RND1: variants seen among roughly 807,000 people sequenced by gnomAD.
RND1 encodes the protein Rho family GTPase 1, also known as rho-related GTP-binding protein Rho6.
A neutral mutation model predicts 27.1 loss-of-function variants in RND1; 9 were observed. The observed-to-expected ratio is 0.33, with a 90% confidence interval of 0.20 to 0.58. The LOEUF (loss-of-function observed/expected upper bound fraction) is 0.58, where lower values mean the gene tolerates loss of function less well. Among genes scored for constraint, RND1 ranks in the 20% least tolerant of loss-of-function variants. RND1 has a pLI of 0.86. For synonymous variants in RND1, 108 were observed against 115.7 expected (o/e 0.93, Z 0.43); for missense variants, 253 against 292.2 (o/e 0.87, Z 0.98).
intron 1 of RND1, 178 bp downstream of exon 1, chr12:48,865,470 G>A (rs1938973609): frequency 1.4e-6 from 1 of 699,036 alleles, no homozygotes; most frequent in Non-Finnish European, 2.5e-6. Flanking sequence ...ACAGGTCTCA[G>A]GGGAAGCTAA....
Position 48,865,745 on chromosome 12 carries a change from TG to T in RND1, c.22del (p.Gln8SerfsTer26). 2 of 1,606,412 alleles carry T rather than the reference TG, an allele frequency of 1.2e-6. No homozygotes were observed. The highest frequency in any genetic ancestry group is 1.7e-6 in the Non-Finnish European group (2 of 1,174,250). On this transcript the variant is annotated frameshift_variant, in exon 1 of 5. Coordinates refer to ENST00000309739, the MANE Select transcript of RND1 (RefSeq NM_014470.4). LOFTEE classifies it high-confidence loss of function. Reference protein sequence around the residue: MKERRAPQPVVARCKLVL... With the variant: MKERRAPXPVVARCKLVL... ...GAGCTTACATCTGGCCACGACTGGCTGGGGGGCCCGTCTCTCCTTCATGGTT... is the reference window on the plus strand; with the variant it reads ...GAGCTTACATCTGGCCACGACTGGCTGGGGGCCCGTCTCTCCTTCATGGTT...
At chr12:48,864,900 T>C (rs1232564086) in intron 1 of RND1, 30 bp from the exon 2 acceptor site, 1 of 1,516,586 alleles carries the variant, frequency 6.6e-7, no homozygotes, top group East Asian at 2.3e-5. Flanking sequence ...ATTCACCCCA[T>C]GCACCCCTAC....
chr12:48,865,033 C>A (rs1309561036), intron 1 of RND1, among the ~76,000 whole-genome samples, 163 bp from the exon 2 acceptor site: 1 of 152,208 alleles, frequency 6.6e-6, no homozygotes, highest in Non-Finnish European at 1.5e-5. Context: ...GAGGACCAGG[C>A]ACTTTGCTCT....
At position 48,864,815 on chromosome 12, in the gene RND1, T is replaced by C; in HGVS notation, c.176A>G (p.Gln59Arg). ...ATCCCAGAGACTAAGCTCCACCCTC[T>C]GTTCCTCTGTCTCCAAACAGGCTGT... ...NYTACLETEEQRVELSLWDTS... is the reference protein window; with the variant it reads ...NYTACLETEERRVELSLWDTS... The change falls in exon 2 of 5, where the codon CAG becomes CGG. Residue 59 changes from glutamine to arginine, a missense_variant. By Grantham distance (43) the Gln-to-Arg change is conservative. Coordinates refer to ENST00000309739, the MANE Select transcript of RND1 (RefSeq NM_014470.4). The C allele has an allele frequency of 6.2e-7, 1 of 1,614,114 alleles. No homozygotes were observed. The highest frequency in any genetic ancestry group is 8.5e-7 in the Non-Finnish European group (1 of 1,179,934).
In RND1 at chr12:48,862,251, G is replaced by A. The variant is rs566395851; in HGVS notation, c.209-133C>T. The A allele has an allele frequency of 5.2e-4, 309 of 594,698 alleles. 1 individual carries two copies. The highest frequency in any genetic ancestry group is 1.9e-3 in the African/African-American group (105 of 54,028). 36.8% of individuals were successfully genotyped at this position (594,698 alleles called of 1,614,324 possible). Reference sequence around the variant, plus strand: ...CCATCTCCCAGGGGGAATGTACTGCGGCTGGAAGCTTGGGACCTGACTGTC... The same window carrying A: ...CCATCTCCCAGGGGGAATGTACTGCAGCTGGAAGCTTGGGACCTGACTGTC... On this transcript the variant is annotated intron_variant, in intron 2 of 4. Transcript: ENST00000309739.
At chr12:48,859,185 C>T (rs1413689571) in intron 4 of RND1, 1 of 151,266 alleles carries the variant, frequency 6.6e-6, no homozygotes, top group Non-Finnish European at 1.5e-5. Context: ...GTCTTGATCT[C>T]CTGACCTTGT....
chr12:48,860,979 A>G lies in RND1; in HGVS notation c.453+18T>C, dbSNP rs759631748. 2.5e-6 allele frequency: 4 copies of G among 1,612,556 alleles called. No individual in the cohort carries two copies. The highest frequency in any genetic ancestry group is 2.2e-5 in the South Asian group (2 of 91,026). On this transcript the variant is annotated intron_variant, in intron 4 of 4. Coordinates refer to ENST00000309739, the MANE Select transcript of RND1 (RefSeq NM_014470.4). ...TTCCTCACTCCACCCCACGACATGC[A>G]CTTGCATGCGCACACACCTGCTCAT...
chr12:48,864,963 T>G (rs1938968398), intron 1 of RND1, 93 bp from the exon 2 acceptor site: 1 of 954,422 alleles, frequency 1.0e-6, no homozygotes, highest in Non-Finnish European at 1.7e-6. Context: ...AGAGAGACAG[T>G]AAAGTCACAG....
intron 4 of RND1, 88 bp downstream of exon 4, chr12:48,860,909 A>T (rs1938910873): frequency 6.3e-7 from 1 of 1,577,260 alleles, no homozygotes; most frequent in African/African-American, 1.3e-5. Flanking sequence ...GCCATAGTGG[A>T]AGAATTTGAG....
Position 48,857,920 on chromosome 12 carries a change from C to G in RND1, c.*76G>C. 7 of 1,509,274 alleles carry G rather than the reference C, an allele frequency of 4.6e-6. No individual in the cohort carries two copies. Among genetic ancestry groups the G allele is most frequent in the Non-Finnish European group, 6.2e-6 (7 of 1,126,382 alleles). 93.5% of individuals were successfully genotyped at this position (1,509,274 alleles called of 1,614,324 possible). On this transcript the variant is annotated 3_prime_UTR_variant, in exon 5 of 5. Coordinates refer to ENST00000309739, the MANE Select transcript of RND1 (RefSeq NM_014470.4). The stretch of plus-strand genomic sequence containing the variant: ...ACTCATGTCCAGTGTCCTAAATTGT[C>G]TCATCCTCCCTCTCCCCGTGCCTCT...
intron 4 of RND1, among the ~76,000 whole-genome samples, chr12:48,860,783 G>A (rs1357071463): frequency 6.6e-6 from 1 of 152,018 alleles, no homozygotes; most frequent in Admixed American, 6.6e-5. Flanking sequence ...TCTTAGAAAT[G>A]TGGGCACACA....
At chr12:48,861,213 G>A in intron 3 of RND1, 82 bp from the exon 4 acceptor site, 1 of 1,423,778 alleles carries the variant, frequency 7.0e-7, no homozygotes, top group Non-Finnish European at 9.6e-7. Flanking sequence ...GAGAAGCTTG[G>A]CTGGCAACGT....
intron 4 of RND1, among the ~76,000 whole-genome samples, chr12:48,859,519 G>A (rs1190220479): frequency 1.3e-5 from 2 of 151,870 alleles, no homozygotes; most frequent in East Asian, 3.9e-4. Context: ...CAGCCTGGGT[G>A]ACAAGAGCGA....
Position 48,858,191 on chromosome 12 carries a change from T to C in RND1, c.504A>G (p.Ser168=). 6 of 1,614,110 alleles carry C rather than the reference T, an allele frequency of 3.7e-6. No individual in the cohort carries two copies. The highest frequency in any genetic ancestry group is 5.1e-6 in the Non-Finnish European group (6 of 1,180,012). Residue 168 remains serine, a synonymous_variant, in exon 5 of 5, where the codon TCA becomes TCG. Transcript: ENST00000309739. ...GGATGCTCTTTTCTGAGGTGAAAGC[T>C]GAGCCTTCCAGGTAGATTTCTGCAC... ...QLGAEIYLEG[S]AFTSEKSIHS...
chr12:48,858,146 T>A lies in RND1; in HGVS notation c.549A>T (p.Ala183=). ...EKSIHSIFRT[A]SMLCLNKPSP... is the part of the protein sequence containing the mutation. ...TAGGCTTGTTCAGACACAGCATGGATGCCGTCCGAAAGATGCTGTGGATGC... is the reference window on the plus strand; with the variant it reads ...TAGGCTTGTTCAGACACAGCATGGAAGCCGTCCGAAAGATGCTGTGGATGC... Residue 183 remains alanine (A), a synonymous_variant, in exon 5 of 5, where the codon GCA becomes GCT. Coordinates refer to ENST00000309739, the MANE Select transcript of RND1 (RefSeq NM_014470.4). 6.2e-7 allele frequency: 1 copy of A among 1,614,090 alleles called. No individual in the cohort carries two copies. The highest frequency in any genetic ancestry group is 2.2e-5 in the East Asian group (1 of 44,860).
chr12:48,858,362 C>T lies in RND1; in HGVS notation c.454-121G>A, dbSNP rs112974924. ...CCAGCTGCCAGTCTCCAAACACCAC[C>T]CTCTGCAGATTATTCGATTATCTTT... On this transcript the variant is annotated intron_variant, in intron 4 of 4. Coordinates refer to ENST00000309739, the MANE Select transcript of RND1 (RefSeq NM_014470.4). 26 of 1,084,514 alleles carry T rather than the reference C, an allele frequency of 2.4e-5. No individual in the cohort carries two copies. The African/African-American group carries it at 3.2e-4, about 13-fold the overall frequency. 67.2% of individuals were successfully genotyped at this position (1,084,514 alleles called of 1,614,324 possible).
At position 48,864,871 on chromosome 12, in the gene RND1, C is replaced by G; in HGVS notation, c.121-1G>C. Reference sequence around the variant, plus strand: ...TTTCGAACACGGTGGGCACATAGGTCTGTGAAAAGAGAGGAAACATTCACC... The same window carrying G: ...TTTCGAACACGGTGGGCACATAGGTGTGTGAAAAGAGAGGAAACATTCACC... On this transcript the variant is annotated splice_acceptor_variant, in intron 1 of 4. Transcript: ENST00000309739. LOFTEE classifies it high-confidence loss of function. The G allele has an allele frequency of 6.2e-7, 1 of 1,611,938 alleles. No homozygotes were observed. The highest frequency in any genetic ancestry group is 8.5e-7 in the Non-Finnish European group (1 of 1,178,186).
intron 4 of RND1, among the ~76,000 whole-genome samples, chr12:48,860,501 C>T (rs1025650249): frequency 6.6e-6 from 1 of 151,776 alleles, no homozygotes; most frequent in African/African-American, 2.4e-5. Flanking sequence ...CAGCGGTCCT[C>T]CCACCTCAGC....
intron 4 of RND1, chr12:48,858,866 C>A (rs1428224020): frequency 1.4e-5 from 2 of 142,070 alleles, no homozygotes; most frequent in Non-Finnish European, 3.0e-5. Context: ...AGAGTAAGAC[C>A]CTGTCTCTGG....
Sources: allele counts gnomAD v4.1 joint callset (sites outside exome capture counted in the v4.1 genomes callset), GRCh38; gene constraint gnomAD v4.1.1; transcripts MANE v1.5; gene names NCBI Gene and HGNC (gene_info 2026-07-23, HGNC 2026-07-21).